The following FGD4 variants were observed in gnomAD, a reference collection of about 807,000 sequenced individuals.
FGD4 encodes FYVE, RhoGEF and PH domain containing 4, also known as FYVE, RhoGEF and PH domain-containing protein 4.
A neutral mutation model predicts 102.0 loss-of-function variants in FGD4; 42 were observed. That is an observed-to-expected ratio of 0.41 (90% CI 0.32 to 0.53). The LOEUF (loss-of-function observed/expected upper bound fraction) is 0.53. Among genes scored for constraint, FGD4 ranks in the 20% least tolerant of loss-of-function variants. The pLI is 0.21. For missense variants in FGD4, 902 were observed against 1,078.2 expected (o/e 0.84, Z 2.29); for synonymous variants, 380 against 375.7 (o/e 1.01, Z -0.13).
rs140732901 is a variant in FGD4, at chr12:32,526,743, C to T, written c.167-37394C>T. Reference sequence around the variant, plus strand: ...CTTTTATGAGCTGTAACACTCACCGCGAAGATCTGCAGCTTCACTCCTGAG... The same window carrying T: ...CTTTTATGAGCTGTAACACTCACCGTGAAGATCTGCAGCTTCACTCCTGAG... On this transcript the variant is annotated intron_variant, in intron 1 of 16. Transcript: ENST00000534526. Among the ~76,000 whole-genome samples the T allele has an allele frequency of 3.6e-3, 555 of 152,244 alleles. 2 individuals carry two copies. The highest frequency in any genetic ancestry group is 0.012 in the African/African-American group (498 of 41,522).
chr12:32,437,454 A>G (rs1942272417), intron 1 of FGD4, among the ~76,000 whole-genome samples: 2 of 152,238 alleles, frequency 1.3e-5, no homozygotes, highest in South Asian at 4.1e-4. Context: ...GAGGTGTCCA[A>G]CCGCACCCAG....
At chr12:32,577,010 A>T (rs1477339381) in intron 3 of FGD4, among the ~76,000 whole-genome samples, 1 of 152,162 alleles carries the variant, frequency 6.6e-6, no homozygotes, top group Non-Finnish European at 1.5e-5. Context: ...ATTACCAATG[A>T]CAAAATGTAT....
At chr12:32,471,022 T>C (rs1247670100) in intron 1 of FGD4, among the ~76,000 whole-genome samples, 2 of 152,188 alleles carry the variant, frequency 1.3e-5, no homozygotes, top group Non-Finnish European at 1.5e-5. Context: ...GACCCTGTGA[T>C]GGTTAATTTT....
At chr12:32,542,922 C>G (rs1342230633) in intron 1 of FGD4, among the ~76,000 whole-genome samples, 2 of 152,026 alleles carry the variant, frequency 1.3e-5, no homozygotes, top group Non-Finnish European at 2.9e-5. Context: ...CTTCTGACAC[C>G]AAATGGGGGG....
intron 10 of FGD4, among the ~76,000 whole-genome samples, chr12:32,616,810 A>G (rs1029771700): frequency 6.6e-6 from 1 of 152,180 alleles, no homozygotes; most frequent in Non-Finnish European, 1.5e-5. Flanking sequence ...GATGCTGTTT[A>G]ATGTAAGCCA....
At chr12:32,457,649 G>A (rs1251207472) in intron 1 of FGD4, among the ~76,000 whole-genome samples, 5 of 152,178 alleles carry the variant, frequency 3.3e-5, no homozygotes, top group African/African-American at 7.2e-5. Context: ...AGAATACAAG[G>A]ATTGCTTTCT....
At chr12:32,527,070 C>T (rs7977101) in intron 1 of FGD4, among the ~76,000 whole-genome samples, 27,763 of 151,978 alleles carry the variant, frequency 0.18, 3,113 homozygotes, top group Middle Eastern at 0.36. Context: ...GTAAAGTTTT[C>T]GGTAAGTTAC....
At chr12:32,516,517 A>G (rs911299968) in intron 1 of FGD4, among the ~76,000 whole-genome samples, 1 of 152,140 alleles carries the variant, frequency 6.6e-6, no homozygotes, top group African/African-American at 2.4e-5. Flanking sequence ...GGACTTTTAG[A>G]CAGCATCTTG....
intron 1 of FGD4, among the ~76,000 whole-genome samples, chr12:32,417,113 C>T (rs1253156322): frequency 1.3e-5 from 2 of 152,066 alleles, no homozygotes; most frequent in Admixed American, 1.3e-4. Flanking sequence ...TCAGGCTGGT[C>T]TCAAACGCCT....
intron 1 of FGD4, among the ~76,000 whole-genome samples, chr12:32,442,615 G>T (rs2136458233): frequency 6.7e-6 from 1 of 149,526 alleles, no homozygotes; most frequent in African/African-American, 2.5e-5. Context: ...CAAGGCTGGG[G>T]CGCAGTGGTG....
chr12:32,466,795 G>T (rs2136508055), intron 1 of FGD4, among the ~76,000 whole-genome samples: 1 of 147,056 alleles, frequency 6.8e-6, no homozygotes, highest in Non-Finnish European at 1.5e-5. Context: ...TTGAAGATGG[G>T]AATGGGAGGT....
At chr12:32,402,410 A>AGAGG (rs1300385279) in intron 1 of FGD4, among the ~76,000 whole-genome samples, 1 of 151,326 alleles carries the variant, frequency 6.6e-6, no homozygotes, top group African/African-American at 2.4e-5. Context: ...AAAGAGAGGG[A>AGAGG]GAGGGAGAGA....
At chr12:32,548,291 G>A (rs951022486) in intron 1 of FGD4, among the ~76,000 whole-genome samples, 1 of 152,126 alleles carries the variant, frequency 6.6e-6, no homozygotes, top group African/African-American at 2.4e-5. Context: ...ATCAAATGAA[G>A]TGTTTTGTCC....
intron 1 of FGD4, among the ~76,000 whole-genome samples, chr12:32,512,850 T>A (rs1057006975): frequency 4.6e-5 from 7 of 152,210 alleles, no homozygotes; most frequent in Non-Finnish European, 1.0e-4. Context: ...TCAGAAAGGC[T>A]TTTTATTGTT....
intron 1 of FGD4, among the ~76,000 whole-genome samples, chr12:32,438,182 G>A (rs1942297266): frequency 1.3e-5 from 2 of 152,102 alleles, no homozygotes; most frequent in African/African-American, 2.4e-5. Context: ...GTGAGCCACC[G>A]CGTCTGGCCA....
intron 15 of FGD4, among the ~76,000 whole-genome samples, chr12:32,636,238 T>A (rs1408780375): frequency 2.0e-5 from 3 of 152,100 alleles, no homozygotes; most frequent in Non-Finnish European, 4.4e-5. Context: ...CCAGTGCTGC[T>A]TTAAAAATTG....
intron 1 of FGD4, among the ~76,000 whole-genome samples, chr12:32,429,245 A>G (rs1941960449): frequency 1.3e-5 from 2 of 152,030 alleles, no homozygotes; most frequent in South Asian, 4.1e-4. Flanking sequence ...GATGCTATTC[A>G]TTTCTGTTTG....
At chr12:32,410,928 T>C (rs1008102465) in intron 1 of FGD4, among the ~76,000 whole-genome samples, 1 of 143,240 alleles carries the variant, frequency 7.0e-6, no homozygotes, top group Non-Finnish European at 1.5e-5. Context: ...CTCTTTTTTT[T>C]TTCTTTTTTT....
chr12:32,525,708 C>T (rs1941079086), intron 1 of FGD4, among the ~76,000 whole-genome samples: 2 of 152,202 alleles, frequency 1.3e-5, no homozygotes, highest in South Asian at 2.1e-4. Flanking sequence ...CTGCGTGTGG[C>T]GCTTGTGGGC....
Sources: gnomAD v4.1 joint callset for allele counts (sites outside exome capture counted in the v4.1 genomes callset) on GRCh38, gnomAD v4.1.1 for gene constraint, MANE v1.5 for transcripts, NCBI Gene and HGNC (gene_info 2026-07-23, HGNC 2026-07-21) for gene names.